Variants in PDE4D observed in about 807,000 individuals in gnomAD.
The protein encoded by PDE4D is phosphodiesterase 4D, also known as 3',5'-cyclic-AMP phosphodiesterase 4D.
A neutral mutation model predicts 87.4 loss-of-function variants in PDE4D; 24 were observed. That is an observed-to-expected ratio of 0.27 (90% CI 0.20 to 0.39). The LOEUF is 0.39. Ranked by LOEUF, PDE4D falls within the 10% of genes least tolerant of loss-of-function variation. The pLI is 1.00. For synonymous variants in PDE4D, 384 were observed against 383.2 expected (o/e 1.00, Z -0.02); for missense variants, 714 against 1,041.0 (o/e 0.69, Z 4.32).
intron 2 of PDE4D, chr5:60,127,576 G>C: frequency 2.0e-6 from 1 of 496,344 alleles, no homozygotes; most frequent in Middle Eastern, 2.8e-4. Context: ...TAGTGATAGG[G>C]TACTTACAGC....
chr5:59,331,760 C>A (rs1240034840), intron 1 of PDE4D, among the ~76,000 whole-genome samples: 2 of 152,200 alleles, frequency 1.3e-5, no homozygotes, highest in East Asian at 1.9e-4. Context: ...CCCTTTCTTG[C>A]AATTCTAATA....
At chr5:60,095,663 G>A (rs2149319885) in intron 2 of PDE4D, among the ~76,000 whole-genome samples, 1 of 152,176 alleles carries the variant, frequency 6.6e-6, no homozygotes, top group African/African-American at 2.4e-5. Flanking sequence ...TCTACAAGTT[G>A]TCTATCTACA....
chr5:60,424,156 A>T (rs1250788167), intron 1 of PDE4D, among the ~76,000 whole-genome samples: 1 of 152,200 alleles, frequency 6.6e-6, no homozygotes, highest in Admixed American at 6.5e-5. Context: ...CAATCAAAAG[A>T]AAAAGAGGGA....
chr5:59,142,034 C>G (rs1411942104), intron 5 of PDE4D, among the ~76,000 whole-genome samples: 1 of 152,128 alleles, frequency 6.6e-6, no homozygotes, highest in Non-Finnish European at 1.5e-5. Flanking sequence ...CTGGCCCCAC[C>G]CTGTTGTCTC....
chr5:59,120,565 T>C (rs558152268), intron 5 of PDE4D, among the ~76,000 whole-genome samples: 1 of 146,704 alleles, frequency 6.8e-6, no homozygotes, highest in South Asian at 2.1e-4. Context: ...TGCCCAATTC[T>C]TTCTCCCTTT....
At chr5:59,244,427 G>A (rs166260) in intron 1 of PDE4D, among the ~76,000 whole-genome samples, 150,847 of 150,938 alleles carry the variant, frequency 1, 75,379 homozygotes, top group Non-Finnish European at 1. Flanking sequence ...TTCAAAATTT[G>A]GAAATAATAT....
rs933437595 is a variant in PDE4D at position 58,970,650 on chromosome 5, A to G, written c.*4014T>C. 6.6e-6 allele frequency: 1 copy of G among 152,190 alleles called. No individual in the cohort carries two copies. The highest frequency in any genetic ancestry group is 2.4e-5 in the African/African-American group (1 of 41,442). 9.4% of individuals were successfully genotyped at this position (152,190 alleles called of 1,614,324 possible). A position where few individuals can be genotyped will look rare whatever the true frequency, so the allele number is the denominator to read the frequency against. On this transcript the variant is annotated 3_prime_UTR_variant, in exon 15 of 15. Coordinates refer to ENST00000340635, the MANE Select transcript of PDE4D (RefSeq NM_001104631.2). The stretch of plus-strand genomic sequence containing the variant: ...CCTTTGCGTTTAAATAGATGGGTTT[A>G]CATATATGTAAGGACATTTGGTTTA...
At chr5:59,794,134 G>GGC (rs1187157981) in intron 1 of PDE4D, among the ~76,000 whole-genome samples, 160 of 104,492 alleles carry the variant, frequency 1.5e-3, no homozygotes, top group African/African-American at 5.9e-3. Flanking sequence ...CACACACAGA[G>GGC]GCGCACACAC....
Position 59,533,745 on chromosome 5 carries a change from G to A in PDE4D, c.456-317777C>T, listed in dbSNP as rs192523999. Among the ~76,000 whole-genome samples the A allele has an allele frequency of 2.1e-4, 32 of 152,304 alleles. No homozygotes were observed. In the East Asian group the frequency reaches 5.2e-3, roughly 25 times the overall value. On this transcript the variant is annotated intron_variant, in intron 1 of 14. Transcript: ENST00000340635. ...GCTGTACCACAGATCTACAGAATTA[G>A]AAATTTTGGGGAAGGGGCCTGGTAA... is the stretch of plus-strand genomic sequence containing the variant.
At chr5:59,493,024 A>G (rs1806502703) in intron 1 of PDE4D, among the ~76,000 whole-genome samples, 1 of 152,158 alleles carries the variant, frequency 6.6e-6, no homozygotes, top group Non-Finnish European at 1.5e-5. Context: ...CTTTATCAGC[A>G]GTGTGAAAAT....
At chr5:59,352,027 T>G (rs1467671303) in intron 1 of PDE4D, among the ~76,000 whole-genome samples, 1 of 152,086 alleles carries the variant, frequency 6.6e-6, no homozygotes, top group Non-Finnish European at 1.5e-5. Flanking sequence ...CTGTGCAGGT[T>G]TCTTAAACTT....
chr5:59,675,510 A>T (rs998642816), intron 1 of PDE4D, among the ~76,000 whole-genome samples: 6 of 152,170 alleles, frequency 3.9e-5, no homozygotes, highest in African/African-American at 1.4e-4. Context: ...AGGGCTTTGG[A>T]GCCCTCTGAC....
chr5:59,611,062 T>G (rs945736896), intron 1 of PDE4D, among the ~76,000 whole-genome samples: 3 of 152,180 alleles, frequency 2.0e-5, no homozygotes, highest in African/African-American at 7.2e-5. Context: ...TAGATTTTAA[T>G]GACAACCTGG....
chr5:59,756,810 CTTTT>C (rs5868192), intron 1 of PDE4D, among the ~76,000 whole-genome samples: 2 of 132,268 alleles, frequency 1.5e-5, no homozygotes, highest in Non-Finnish European at 3.2e-5. Flanking sequence ...GAGGTTCTTA[CTTTT>C]TTTTTTTTTT....
chr5:59,821,058 C>T (rs1040435285), intron 1 of PDE4D, among the ~76,000 whole-genome samples: 1 of 152,060 alleles, frequency 6.6e-6, no homozygotes, highest in Admixed American at 6.6e-5. Context: ...ATGGTGAAAC[C>T]CCATCTCCAC....
chr5:59,806,171 GA>G, intron 1 of PDE4D, among the ~76,000 whole-genome samples: 1 of 152,216 alleles, frequency 6.6e-6, no homozygotes, highest in Non-Finnish European at 1.5e-5. Context: ...AGCTGGTTAT[GA>G]AACTGAGGGA....
chr5:60,161,168 C>T (rs1342997587), intron 2 of PDE4D, among the ~76,000 whole-genome samples: 1 of 152,052 alleles, frequency 6.6e-6, no homozygotes, highest in East Asian at 1.9e-4. Flanking sequence ...GGCTCCTTTC[C>T]ACTTTCTAGT....
At chr5:59,200,231 ATATGT>A (rs1746798220) in intron 2 of PDE4D, among the ~76,000 whole-genome samples, 1 of 143,848 alleles carries the variant, frequency 7.0e-6, no homozygotes, top group African/African-American at 2.7e-5. Context: ...GTATACATAC[ATATGT>A]GTATGTACAG....
At chr5:59,302,368 A>G (rs541038308) in intron 1 of PDE4D, among the ~76,000 whole-genome samples, 2 of 152,190 alleles carry the variant, frequency 1.3e-5, no homozygotes, top group East Asian at 3.9e-4. Context: ...ACTTAAATCT[A>G]TTACTTTTTA....
Sources: gnomAD v4.1 joint callset for allele counts (sites outside exome capture counted in the v4.1 genomes callset) on GRCh38, gnomAD v4.1.1 for gene constraint, MANE v1.5 for transcripts, NCBI Gene and HGNC (gene_info 2026-07-23, HGNC 2026-07-21) for gene names.